Variants in CEP76 observed in about 807,000 individuals in gnomAD.
The protein encoded by CEP76 is centrosomal protein of 76 kDa.
Under a neutral mutation model 83.3 loss-of-function variants are expected in CEP76, and 55 were observed. The ratio of observed to expected loss-of-function variants is 0.66; its 90% confidence interval spans 0.53 to 0.83. The LOEUF (loss-of-function observed/expected upper bound fraction) is 0.83. Ranked by LOEUF, CEP76 falls within the 40% of genes least tolerant of loss-of-function variation. The probability of loss-of-function intolerance (pLI) is 0.00; values close to 1 mark genes in which losing one functional copy is unlikely to be tolerated. For synonymous variants in CEP76, 270 were observed against 274.5 expected (o/e 0.98, Z 0.16); for missense variants, 694 against 799.5 (o/e 0.87, Z 1.59).
intron 4 of CEP76, chr18:12,698,714 C>T (rs903763809): frequency 2.4e-5 from 10 of 413,778 alleles, no homozygotes; most frequent in Non-Finnish European, 3.9e-5. Context: ...TAGCATAACA[C>T]TATGCACATA....
rs2039238394 is a variant in CEP76 at position 12,678,798 on chromosome 18, A to C, written c.1290-356T>G. Among the ~76,000 whole-genome samples the C allele has an allele frequency of 2.0e-5, 3 of 152,114 alleles. No homozygotes were observed. In the South Asian group the frequency reaches 6.2e-4, roughly 32 times the overall value. On this transcript the variant is annotated intron_variant, in intron 9 of 11. Coordinates refer to ENST00000262127, the MANE Select transcript of CEP76 (RefSeq NM_024899.4). ...TGGTGAAACCCCGTCTCTGCTAAAAATACAAAAATTAGCTGGGCATGGGAG... is the reference window on the plus strand; with the variant it reads ...TGGTGAAACCCCGTCTCTGCTAAAACTACAAAAATTAGCTGGGCATGGGAG...
At chr18:12,674,074 C>G (rs1276598353) in intron 11 of CEP76, among the ~76,000 whole-genome samples, 1 of 151,972 alleles carries the variant, frequency 6.6e-6, no homozygotes, top group African/African-American at 2.4e-5. Context: ...CCAAATGAAT[C>G]AAAATCTGTG....
chr18:12,689,243 CTGT>C (rs560977588), intron 7 of CEP76, among the ~76,000 whole-genome samples: 27 of 151,904 alleles, frequency 1.8e-4, no homozygotes, highest in South Asian at 4.1e-4. Flanking sequence ...CTGTTTTACA[CTGT>C]TGTTGTTTAA....
At chr18:12,698,740 T>A (rs1038867006) in intron 4 of CEP76, 12 of 519,284 alleles carry the variant, frequency 2.3e-5, no homozygotes, top group Admixed American at 1.4e-4. Flanking sequence ...TATTTAAGTG[T>A]GTATTACTAA....
intron 1 of CEP76, among the ~76,000 whole-genome samples, chr18:12,701,409 A>T (rs2040145515): frequency 6.6e-6 from 1 of 152,196 alleles, no homozygotes; most frequent in African/African-American, 2.4e-5. Flanking sequence ...GGCAGATCAA[A>T]GTATGATCTT....
chr18:12,699,599 A>C (rs1445652953), intron 3 of CEP76, among the ~76,000 whole-genome samples: 2 of 152,166 alleles, frequency 1.3e-5, no homozygotes, highest in Admixed American at 6.5e-5. Context: ...TTTTTATAAA[A>C]CATATTATTA....
At position 12,691,507 on chromosome 18, in the gene CEP76, T is replaced by C; in HGVS notation, c.805-20A>G. On this transcript the variant is annotated intron_variant, in intron 6 of 11. Coordinates refer to ENST00000262127, the MANE Select transcript of CEP76 (RefSeq NM_024899.4). ...AGCAAGCTTGAAATTGAAAAAAATA[T>C]TTTTCAATTTCTATTCATTATCTTT... is the stretch of plus-strand genomic sequence containing the variant. The C allele has an allele frequency of 6.4e-7, 1 of 1,560,976 alleles. No individual in the cohort carries two copies. The highest frequency in any genetic ancestry group is 8.7e-7 in the Non-Finnish European group (1 of 1,151,866).
At chr18:12,676,028 T>G (rs1305465187) in intron 10 of CEP76, among the ~76,000 whole-genome samples, 4 of 152,106 alleles carry the variant, frequency 2.6e-5, no homozygotes, top group African/African-American at 9.7e-5. Context: ...AAGTTAAAAA[T>G]AATAATATTA....
chr18:12,702,367 C>T, intron 1 of CEP76, 119 bp downstream of exon 1: 1 of 752,240 alleles, frequency 1.3e-6, no homozygotes, highest in East Asian at 2.7e-5. Flanking sequence ...GCGTTGCGCA[C>T]CCCACAATCC....
intron 9 of CEP76, among the ~76,000 whole-genome samples, chr18:12,680,120 C>A (rs1303183624): frequency 1.3e-5 from 2 of 150,820 alleles, no homozygotes; most frequent in East Asian, 3.9e-4. Flanking sequence ...ACATAATTTA[C>A]TGTTTACCAA....
chr18:12,683,973 A>G (rs1018317493), intron 8 of CEP76, among the ~76,000 whole-genome samples: 10 of 150,790 alleles, frequency 6.6e-5, no homozygotes, highest in African/African-American at 2.4e-4. Flanking sequence ...TTGTTTGTAC[A>G]GTAAAAAATC....
intron 7 of CEP76, among the ~76,000 whole-genome samples, chr18:12,691,067 A>T (rs2039741308): frequency 6.6e-6 from 1 of 152,170 alleles, no homozygotes; most frequent in South Asian, 2.1e-4. Flanking sequence ...ATTTTCATCT[A>T]CTTTAAATCA....
Position 12,673,422 on chromosome 18 carries a change from A to T in CEP76, c.1923T>A (p.Pro641=). The T allele has an allele frequency of 6.2e-7, 1 of 1,605,956 alleles. No individual in the cohort carries two copies. Among genetic ancestry groups the T allele is most frequent in the South Asian group, 1.1e-5 (1 of 89,344 alleles). Residue 641 remains proline, a synonymous_variant, in exon 12 of 12, where the codon CCT becomes CCA. Coordinates refer to ENST00000262127, the MANE Select transcript of CEP76 (RefSeq NM_024899.4). Reference sequence around the variant, plus strand: ...TGATCCAAACAGCACATGCAGATTCAGGGTAAGTAAATACTCGGACACGAA... The same window carrying T: ...TGATCCAAACAGCACATGCAGATTCTGGGTAAGTAAATACTCGGACACGAA... ...LAVRVRVFTY[P]ESACAVWIMF... is the part of the protein sequence containing the mutation.
intron 10 of CEP76, among the ~76,000 whole-genome samples, chr18:12,677,458 CAAAAAAAAAAAAA>C (rs71174127): frequency 3.9e-4 from 21 of 53,950 alleles, no homozygotes; most frequent in Middle Eastern, 0.017. Context: ...GATTCCATCT[CAAAAAAAAAAAAA>C]AAAAAAAAAA....
intron 10 of CEP76, 105 bp from the exon 11 acceptor site, chr18:12,674,858 T>C: frequency 1.7e-6 from 1 of 592,114 alleles, no homozygotes; most frequent in Non-Finnish European, 2.8e-6. Context: ...AAAAGATTTT[T>C]AAAAGCTATC....
chr18:12,681,381 G>A (rs948632936), intron 8 of CEP76, among the ~76,000 whole-genome samples: 8 of 150,978 alleles, frequency 5.3e-5, no homozygotes, highest in African/African-American at 2.0e-4. Flanking sequence ...CAAGTAGCTG[G>A]GACTAAAGGT....
At chr18:12,670,080 G>C (rs934158857), downstream of CEP76, among the ~76,000 whole-genome samples, 13 of 150,014 alleles carry the variant, frequency 8.7e-5, no homozygotes, top group Admixed American at 6.7e-4. Flanking sequence ...CTGTAATCCC[G>C]GCACTTGGGG....
chr18:12,665,454 C>T (rs2038784087), intron 12 of CEP76, among the ~76,000 whole-genome samples: 1 of 152,052 alleles, frequency 6.6e-6, no homozygotes, highest in Non-Finnish European at 1.5e-5. Flanking sequence ...AATTCCTGTC[C>T]TCCTCATCTT....
In CEP76 at chr18:12,701,008, T is replaced by C; in HGVS notation, c.169A>G (p.Arg57Gly). 6.2e-7 allele frequency: 1 copy of C among 1,613,948 alleles called. No individual in the cohort carries two copies. Among genetic ancestry groups the C allele is most frequent in the African/African-American group, 1.3e-5 (1 of 75,044 alleles). Residue 57 changes from arginine to glycine, a missense_variant, in exon 2 of 12, where the codon AGA (arginine) becomes GGA (glycine). Coordinates refer to ENST00000262127, the MANE Select transcript of CEP76 (RefSeq NM_024899.4). ...LSTEDLIKAL[R>G]RRGIIDDVMK... ...ACATCGTCAATGATTCCTCGACGTC[T>C]AAGGGCTTTGATCAAATCTTCTGTT...
Sources: gnomAD v4.1 joint callset for allele counts (sites outside exome capture counted in the v4.1 genomes callset) on GRCh38, gnomAD v4.1.1 for gene constraint, MANE v1.5 for transcripts, NCBI Gene and HGNC (gene_info 2026-07-23, HGNC 2026-07-21) for gene names.